The following TRMT11 variants were observed in gnomAD, a reference collection of about 807,000 sequenced individuals.
The protein encoded by TRMT11 is tRNA (guanine(10)-N(2))-methyltransferase TRMT11.
A neutral mutation model predicts 62.8 loss-of-function variants in TRMT11; 53 were observed. The ratio of observed to expected loss-of-function variants is 0.84; its 90% CI spans 0.68 to 1.06. The LOEUF is 1.06. Among genes scored for constraint, TRMT11 ranks in the 50% least tolerant of loss-of-function variants. The probability of loss-of-function intolerance (pLI) is 0.00; values close to 1 mark genes in which losing one functional copy is unlikely to be tolerated. For missense variants in TRMT11, 556 were observed against 553.4 expected (o/e 1.00, Z -0.05); for synonymous variants, 188 against 190.3 (o/e 0.99, Z 0.10).
the TRMT11 span, among the ~76,000 whole-genome samples, chr6:126,242,691 C>T: frequency 1.3e-5 from 2 of 152,112 alleles, no homozygotes; most frequent in Non-Finnish European, 2.9e-5. Flanking sequence ...GGAAAGGATT[C>T]CCTATTTAAT....
intron 7 of TRMT11, 33 bp downstream of exon 7, chr6:125,999,646 G>T: frequency 6.4e-7 from 1 of 1,552,518 alleles, no homozygotes; most frequent in Non-Finnish European, 8.7e-7. Context: ...CTAGTGTAGA[G>T]ATGTTGCTTA....
chr6:126,133,167 A>G (rs1488330140), intron 21 of TRMT11, among the ~76,000 whole-genome samples: 1 of 152,034 alleles, frequency 6.6e-6, no homozygotes, highest in Non-Finnish European at 1.5e-5. Context: ...TCCGAAAGCC[A>G]CTAAACTTAA....
At chr6:126,166,226 T>G (rs994425067) in intron 21 of TRMT11, among the ~76,000 whole-genome samples, 4 of 152,176 alleles carry the variant, frequency 2.6e-5, no homozygotes, top group Admixed American at 2.0e-4. Flanking sequence ...ATTGGGTTTT[T>G]GGAATTTTCA....
chr6:126,090,764 T>C (rs993998109), intron 17 of TRMT11, among the ~76,000 whole-genome samples: 3 of 152,190 alleles, frequency 2.0e-5, no homozygotes, highest in Non-Finnish European at 1.5e-5. Context: ...AATAACCACT[T>C]TGAGAGAGAA....
intron 17 of TRMT11, among the ~76,000 whole-genome samples, chr6:126,107,322 C>T (rs1485189017): frequency 6.6e-6 from 1 of 152,156 alleles, no homozygotes; most frequent in Non-Finnish European, 1.5e-5. Context: ...GTATCATTAG[C>T]GTCAGAATGC....
intron 11 of TRMT11, among the ~76,000 whole-genome samples, chr6:126,018,642 CT>C (rs1205276719): frequency 5.9e-5 from 9 of 151,690 alleles, no homozygotes; most frequent in Admixed American, 4.6e-4. Flanking sequence ...TACCACCCCC[CT>C]ATCTCTGTCA....
intron 17 of TRMT11, among the ~76,000 whole-genome samples, chr6:126,060,920 C>T (rs568873038): frequency 3.0e-4 from 45 of 152,342 alleles, no homozygotes; most frequent in African/African-American, 1.1e-3. Context: ...TATGGGATCA[C>T]TGGCATGAGT....
At chr6:126,204,954 C>CT (rs1778775390), downstream of TRMT11, among the ~76,000 whole-genome samples, 1 of 152,164 alleles carries the variant, frequency 6.6e-6, no homozygotes, top group East Asian at 1.9e-4. Flanking sequence ...GACCTTTTCC[C>CT]TTTTTATGCA....
intron 17 of TRMT11, among the ~76,000 whole-genome samples, chr6:126,080,090 TTTGTTG>T (rs140821748): frequency 4.2e-4 from 63 of 151,152 alleles, no homozygotes; most frequent in African/African-American, 1.5e-3. Context: ...CTAGTTCTGT[TTTGTTG>T]TTGTTGTTGT....
At chr6:126,212,072 T>G in the TRMT11 span, among the ~76,000 whole-genome samples, 1 of 152,182 alleles carries the variant, frequency 6.6e-6, no homozygotes, top group South Asian at 2.1e-4. Flanking sequence ...TGACCTCCAG[T>G]TCCATCCATG....
At chr6:126,107,086 T>G (rs1028034348) in intron 17 of TRMT11, among the ~76,000 whole-genome samples, 1 of 152,218 alleles carries the variant, frequency 6.6e-6, no homozygotes, top group Non-Finnish European at 1.5e-5. Context: ...CTAATATTAT[T>G]AACAGAACCT....
intron 21 of TRMT11, among the ~76,000 whole-genome samples, chr6:126,152,606 A>G (rs1351836543): frequency 2.0e-5 from 3 of 152,196 alleles, no homozygotes; most frequent in Non-Finnish European, 4.4e-5. Flanking sequence ...TAATACAGAG[A>G]TGATATTAAC....
chr6:125,988,828 C>G (rs983126131), intron 1 of TRMT11, among the ~76,000 whole-genome samples: 1 of 152,038 alleles, frequency 6.6e-6, no homozygotes, highest in Non-Finnish European at 1.5e-5. Context: ...ACTCATTGGC[C>G]TTAGGAGTCA....
At chr6:126,138,781 A>G (rs940652745) in intron 21 of TRMT11, among the ~76,000 whole-genome samples, 1 of 152,116 alleles carries the variant, frequency 6.6e-6, no homozygotes, top group Non-Finnish European at 1.5e-5. Flanking sequence ...ATCTTGAATG[A>G]TAACTTTCAG....
At chr6:126,077,137 A>G (rs1777046210) in intron 17 of TRMT11, among the ~76,000 whole-genome samples, 1 of 152,216 alleles carries the variant, frequency 6.6e-6, no homozygotes. Context: ...ATATGCAATA[A>G]CTTTCTGGTG....
chr6:126,019,726 T>G (rs943393386), intron 11 of TRMT11, among the ~76,000 whole-genome samples: 1 of 152,190 alleles, frequency 6.6e-6, no homozygotes, highest in African/African-American at 2.4e-5. Flanking sequence ...GAATATATTC[T>G]TTCTACTGTA....
chr6:126,119,517 G>A (rs1319049323), intron 21 of TRMT11, among the ~76,000 whole-genome samples: 1 of 151,700 alleles, frequency 6.6e-6, no homozygotes, highest in African/African-American at 2.4e-5. Context: ...CAAGAAAACT[G>A]GTGGCTGTTG....
the TRMT11 span, among the ~76,000 whole-genome samples, chr6:126,271,510 A>C: frequency 2.0e-5 from 3 of 150,704 alleles, no homozygotes; most frequent in Non-Finnish European, 2.9e-5. Context: ...TATATGACTT[A>C]TGTTTGAAAG....
chr6:126,233,413 A>T, the TRMT11 span, among the ~76,000 whole-genome samples: 1 of 152,126 alleles, frequency 6.6e-6, no homozygotes, highest in East Asian at 1.9e-4. Context: ...CCGCATTTAC[A>T]TTATCCAAAT....
Sources: gnomAD v4.1 joint callset for allele counts (sites outside exome capture counted in the v4.1 genomes callset) on GRCh38, gnomAD v4.1.1 for gene constraint, MANE v1.5 for transcripts, NCBI Gene and HGNC (gene_info 2026-07-23, HGNC 2026-07-21) for gene names.